Variants in KIAA1549L observed in about 807,000 individuals in gnomAD.
KIAA1549L encodes KIAA1549 like.
Under a neutral mutation model 160.7 loss-of-function variants are expected in KIAA1549L, and 88 were observed. That is an observed-to-expected ratio of 0.55 (90% confidence interval 0.46 to 0.65). The LOEUF (loss-of-function observed/expected upper bound fraction) is 0.65. Among genes scored for constraint, KIAA1549L ranks in the 30% least tolerant of loss-of-function variants. The probability of loss-of-function intolerance (pLI) is 0.00; values close to 1 mark genes in which losing one functional copy is unlikely to be tolerated. For synonymous variants in KIAA1549L, 950 were observed against 976.7 expected (o/e 0.97, Z 0.51); for missense variants, 2,258 against 2,437.5 (o/e 0.93, Z 1.55).
intron 17 of KIAA1549L, among the ~76,000 whole-genome samples, chr11:33,654,759 G>T (rs550193727): frequency 8.5e-5 from 13 of 152,216 alleles, no homozygotes; most frequent in Non-Finnish European, 1.8e-4. Context: ...GTTTGCTGAG[G>T]TGTGGGGTAG....
intron 1 of KIAA1549L, among the ~76,000 whole-genome samples, chr11:33,400,821 G>T (rs1201737227): frequency 6.6e-6 from 1 of 152,114 alleles, no homozygotes; most frequent in Non-Finnish European, 1.5e-5. Context: ...TGCTTATATG[G>T]CATTTAATCT....
chr11:33,520,514 C>T (rs902979144), intron 1 of KIAA1549L, among the ~76,000 whole-genome samples: 5 of 151,974 alleles, frequency 3.3e-5, no homozygotes, highest in African/African-American at 1.2e-4. Context: ...ATTTCAGAAG[C>T]TCAGTTTAGA....
chr11:33,634,583 T>C (rs958338294), intron 16 of KIAA1549L, among the ~76,000 whole-genome samples: 3 of 152,184 alleles, frequency 2.0e-5, no homozygotes, highest in Admixed American at 1.3e-4. Flanking sequence ...GAGCAACAAG[T>C]TATGGGGGGA....
Position 33,475,899 on chromosome 11 carries a change from G to A in KIAA1549L, c.239-65903G>A, listed in dbSNP as rs114654106. ...CAAACAAAAATATAGTCTCTCTCCC[G>A]CCTGCCCCCCACCCAACTCCCCCCA... On this transcript the variant is annotated intron_variant, in intron 1 of 20. Transcript: ENST00000658780. 9.0e-3 allele frequency among the ~76,000 whole-genome samples: 1,372 copies of A among 152,016 alleles called. 18 individuals carry two copies. Among genetic ancestry groups the A allele is most frequent in the African/African-American group, 0.027 (1,127 of 41,464 alleles).
Position 33,668,691 on chromosome 11 carries a change from A to G in KIAA1549L, c.*537A>G, listed in dbSNP as rs1852569725. 6.4e-6 allele frequency: 1 copy of G among 155,722 alleles called. No homozygotes were observed. The highest frequency in any genetic ancestry group is 2.4e-5 in the African/African-American group (1 of 41,448). 9.6% of individuals were successfully genotyped at this position (155,722 alleles called of 1,614,324 possible). A position where few individuals can be genotyped will look rare whatever the true frequency, so the allele number is the denominator to read the frequency against. ...CAAGAAACCTGAGCCCCTTTTTTTT[A>G]GGTTCATATTCAAAGTCAAATGAAC... On this transcript the variant is annotated 3_prime_UTR_variant, in exon 21 of 21. Coordinates refer to ENST00000658780, the MANE Select transcript of KIAA1549L (RefSeq NM_012194.3).
intron 1 of KIAA1549L, among the ~76,000 whole-genome samples, chr11:33,379,661 C>A (rs1850033467): frequency 6.6e-6 from 1 of 152,184 alleles, no homozygotes; most frequent in Admixed American, 6.5e-5. Context: ...TGTTCACGGG[C>A]AGCTACTCAA....
intron 20 of KIAA1549L, among the ~76,000 whole-genome samples, chr11:33,665,000 T>C (rs59796549): frequency 0.028 from 4,191 of 152,286 alleles, 98 homozygotes; most frequent in African/African-American, 0.065. Flanking sequence ...ATGAATCCAG[T>C]CCTGTCTGTC....
At chr11:33,414,388 G>C (rs1850847093) in intron 1 of KIAA1549L, among the ~76,000 whole-genome samples, 1 of 152,110 alleles carries the variant, frequency 6.6e-6, no homozygotes, top group African/African-American at 2.4e-5. Context: ...TTGTAATACA[G>C]TTCACTTAAC....
chr11:33,410,315 G>T (rs982516382), intron 1 of KIAA1549L, among the ~76,000 whole-genome samples: 1 of 152,008 alleles, frequency 6.6e-6, no homozygotes, highest in East Asian at 1.9e-4. Flanking sequence ...AGTGTAGACC[G>T]CATTTGTAAG....
intron 1 of KIAA1549L, among the ~76,000 whole-genome samples, chr11:33,530,516 TAA>T (rs769742598): frequency 1.3e-4 from 18 of 142,322 alleles, no homozygotes; most frequent in South Asian, 2.3e-4. Context: ...GTCCTAGTTT[TAA>T]AAGTCAGTTA....
intron 15 of KIAA1549L, among the ~76,000 whole-genome samples, chr11:33,614,382 T>C (rs1234264298): frequency 6.6e-6 from 1 of 150,508 alleles, no homozygotes. Context: ...AGTCACTGTC[T>C]GTCTGCCCTG....
At chr11:33,659,668 T>A (rs1227069896) in intron 19 of KIAA1549L, among the ~76,000 whole-genome samples, 2 of 152,206 alleles carry the variant, frequency 1.3e-5, no homozygotes, top group East Asian at 3.8e-4. Context: ...GTCTAGAAAT[T>A]CCACCAGTGA....
At chr11:33,441,026 T>C (rs3117907) in intron 1 of KIAA1549L, among the ~76,000 whole-genome samples, 67,268 of 149,896 alleles carry the variant, frequency 0.45, 15,384 homozygotes, top group South Asian at 0.5. Context: ...CCCATTAACT[T>C]GTCATTTAGC....
At chr11:33,514,805 G>T (rs1853307515) in intron 1 of KIAA1549L, among the ~76,000 whole-genome samples, 1 of 152,108 alleles carries the variant, frequency 6.6e-6, no homozygotes, top group African/African-American at 2.4e-5. Flanking sequence ...CAGACTCTAG[G>T]GTTGTTGTAC....
At chr11:33,392,275 CT>C (rs1350294068) in intron 1 of KIAA1549L, among the ~76,000 whole-genome samples, 1 of 152,198 alleles carries the variant, frequency 6.6e-6, no homozygotes, top group African/African-American at 2.4e-5. Context: ...GTAAACACCC[CT>C]ATATCTACCA....
In KIAA1549L at chr11:33,435,820, A is replaced by ATATATG. The variant is rs1565135997; in HGVS notation, c.238+58936_238+58937insGTATAT. The stretch of plus-strand genomic sequence containing the variant: ...TATATATATATATATATGTGTGTGT[A>ATATATG]TATATATATATGTATATGTATATGT... On this transcript the variant is annotated intron_variant, in intron 1 of 20. Transcript: ENST00000658780. Among the ~76,000 whole-genome samples the ATATATG allele has an allele frequency of 2.2e-4, 10 of 44,766 alleles. 2 individuals carry two copies. The highest frequency in any genetic ancestry group is 1.2e-3 in the African/African-American group (8 of 6,630). 29.4% of individuals were successfully genotyped at this position (44,766 alleles called of 152,430 possible).
chr11:33,667,317 A>C lies in KIAA1549L; in HGVS notation c.6160-556A>C, dbSNP rs188690336. On this transcript the variant is annotated intron_variant, in intron 20 of 20. Coordinates refer to ENST00000658780, the MANE Select transcript of KIAA1549L (RefSeq NM_012194.3). ...CCTAAGGTTTTTCAGCAAAATATAT[A>C]TTCCTAAGGTTTTTCAGCAAAGTTT... Among the ~76,000 whole-genome samples, 18 of 152,128 alleles carry C rather than the reference A, an allele frequency of 1.2e-4. No individual in the cohort carries two copies. The East Asian group carries it at 2.1e-3, about 18-fold the overall frequency.
At chr11:33,546,915 A>G (rs1001453515) in intron 3 of KIAA1549L, among the ~76,000 whole-genome samples, 19 of 152,260 alleles carry the variant, frequency 1.2e-4, no homozygotes, top group African/African-American at 4.6e-4. Flanking sequence ...ATAGACTGTA[A>G]TAAAAGTGAT....
chr11:33,397,306 C>T (rs1007184822), intron 1 of KIAA1549L, among the ~76,000 whole-genome samples: 40 of 140,464 alleles, frequency 2.8e-4, no homozygotes, highest in East Asian at 2.1e-4. Context: ...TGCACTCCAG[C>T]CTTGGTGATG....
Sources: allele counts gnomAD v4.1 joint callset (sites outside exome capture counted in the v4.1 genomes callset), GRCh38; gene constraint gnomAD v4.1.1; transcripts MANE v1.5; gene names NCBI Gene and HGNC (gene_info 2026-07-23, HGNC 2026-07-21).